HMGCLL1: variants seen among roughly 807,000 people sequenced by gnomAD.
HMGCLL1 encodes the protein 3-hydroxymethyl-3-methylglutaryl-CoA lyase, cytoplasmic.
HMGCLL1 carries 36 observed loss-of-function variants against 39.1 expected under a neutral mutation model. That is an observed-to-expected ratio of 0.92 (90% CI 0.71 to 1.22). The LOEUF is 1.22. Ranked by LOEUF, HMGCLL1 falls within the 50% of genes most tolerant of loss-of-function variation. The pLI is 0.00. For synonymous variants in HMGCLL1, 149 were observed against 144.0 expected (o/e 1.03, Z -0.25); for missense variants, 451 against 416.5 (o/e 1.08, Z -0.72).
intron 1 of HMGCLL1, among the ~76,000 whole-genome samples, chr6:55,553,387 G>T (rs72986078): frequency 6.6e-6 from 1 of 151,300 alleles, no homozygotes; most frequent in Non-Finnish European, 1.5e-5. Flanking sequence ...GTGGTGAATC[G>T]AAATCAGGCC....
the HMGCLL1 span, among the ~76,000 whole-genome samples, chr6:55,637,146 C>T: frequency 6.6e-6 from 1 of 152,180 alleles, no homozygotes; most frequent in East Asian, 1.9e-4. Context: ...AACTAGCATA[C>T]ATCTGTCAAA....
chr6:55,655,216 G>A, the HMGCLL1 span, among the ~76,000 whole-genome samples: 5 of 151,326 alleles, frequency 3.3e-5, no homozygotes, highest in African/African-American at 1.2e-4. Flanking sequence ...TTTCATTTTA[G>A]TCGATAGACT....
the HMGCLL1 span, among the ~76,000 whole-genome samples, chr6:55,630,177 G>T: frequency 1.3e-5 from 2 of 152,172 alleles, no homozygotes; most frequent in African/African-American, 2.4e-5. Flanking sequence ...GGGTGGAGCT[G>T]CCTAAGGCTG....
the HMGCLL1 span, among the ~76,000 whole-genome samples, chr6:55,641,049 A>G: frequency 6.6e-6 from 1 of 151,824 alleles, no homozygotes; most frequent in Non-Finnish European, 1.5e-5. Context: ...AATTAGAGTA[A>G]TATCACTTTA....
At chr6:55,590,777 T>C in the HMGCLL1 span, among the ~76,000 whole-genome samples, 5 of 151,980 alleles carry the variant, frequency 3.3e-5, no homozygotes, top group African/African-American at 1.2e-4. Context: ...GACACTAATT[T>C]TAAAGTATTT....
chr6:55,470,580 T>G (rs1765002741), intron 7 of HMGCLL1, among the ~76,000 whole-genome samples: 1 of 151,844 alleles, frequency 6.6e-6, no homozygotes. Context: ...AACAATTATA[T>G]TTAAGGTAGA....
intron 8 of HMGCLL1, among the ~76,000 whole-genome samples, 164 bp from the exon 9 acceptor site, chr6:55,435,927 T>A (rs1763352562): frequency 6.6e-6 from 1 of 152,108 alleles, no homozygotes; most frequent in African/African-American, 2.4e-5. Context: ...TTTCCATGAA[T>A]AATGTTGTTA....
At chr6:55,662,557 T>C in the HMGCLL1 span, among the ~76,000 whole-genome samples, 4 of 151,912 alleles carry the variant, frequency 2.6e-5, no homozygotes, top group Non-Finnish European at 5.9e-5. Context: ...GGAGTAGCTT[T>C]TTGACATGCT....
Position 55,473,275 on chromosome 6 carries a change from A to G in HMGCLL1, c.795+22144T>C, listed in dbSNP as rs180975483. 2.0e-5 allele frequency among the ~76,000 whole-genome samples: 3 copies of G among 151,574 alleles called. No homozygotes were observed. In the East Asian group the frequency reaches 5.8e-4, roughly 29 times the overall value. ...TTGGATTATAGGTGGATTAATATCCACCATATTTATAAATGTATTACAGTC... is the reference window on the plus strand; with the variant it reads ...TTGGATTATAGGTGGATTAATATCCGCCATATTTATAAATGTATTACAGTC... On this transcript the variant is annotated intron_variant, in intron 7 of 8. Transcript: ENST00000274901.
chr6:55,541,594 T>C (rs949670619), intron 3 of HMGCLL1, 135 bp downstream of exon 3: 10 of 561,100 alleles, frequency 1.8e-5, no homozygotes, highest in Admixed American at 3.5e-5. Flanking sequence ...TTTAATCATA[T>C]CACAGTCCAC....
intron 3 of HMGCLL1, among the ~76,000 whole-genome samples, chr6:55,530,684 A>G (rs1768611814): frequency 1.3e-5 from 2 of 152,110 alleles, no homozygotes; most frequent in African/African-American, 4.8e-5. Context: ...TGTAAAATCC[A>G]TTGTCTAATG....
chr6:55,609,253 C>T, the HMGCLL1 span, among the ~76,000 whole-genome samples: 1 of 152,150 alleles, frequency 6.6e-6, no homozygotes, highest in African/African-American at 2.4e-5. Context: ...TGGCAGCCAT[C>T]ACTGTGAATG....
At chr6:55,671,572 A>G in the HMGCLL1 span, among the ~76,000 whole-genome samples, 7 of 151,934 alleles carry the variant, frequency 4.6e-5, no homozygotes, top group South Asian at 1.5e-3. Flanking sequence ...CTGGTAGAAA[A>G]CCAGCAAAGA....
upstream of HMGCLL1, among the ~76,000 whole-genome samples, chr6:55,584,057 C>T (rs950426381): frequency 1.4e-4 from 21 of 152,048 alleles, no homozygotes; most frequent in African/African-American, 4.3e-4. Flanking sequence ...TGTACTCTTC[C>T]ATTTGGTGCT....
the HMGCLL1 span, among the ~76,000 whole-genome samples, chr6:55,651,269 C>A: frequency 6.6e-6 from 1 of 152,078 alleles, no homozygotes; most frequent in Non-Finnish European, 1.5e-5. Flanking sequence ...GCCAAAACTA[C>A]ATCAGCTTCA....
chr6:55,674,273 T>A, the HMGCLL1 span, among the ~76,000 whole-genome samples: 1 of 151,922 alleles, frequency 6.6e-6, no homozygotes, highest in South Asian at 2.1e-4. Context: ...CTGGCCTTTA[T>A]TTACAAAAGA....
At chr6:55,590,808 A>G in the HMGCLL1 span, among the ~76,000 whole-genome samples, 1 of 151,986 alleles carries the variant, frequency 6.6e-6, no homozygotes, top group Non-Finnish European at 1.5e-5. Flanking sequence ...TCAGCTTTAG[A>G]TGTCTTAAAG....
At chr6:55,517,071 G>A (rs533963577) in intron 3 of HMGCLL1, among the ~76,000 whole-genome samples, 1 of 152,146 alleles carries the variant, frequency 6.6e-6, no homozygotes, top group South Asian at 2.1e-4. Context: ...AGTTTAACAA[G>A]GCTGAGATCC....
chr6:55,549,380 G>GTGTGTGTA (rs1554158159), intron 1 of HMGCLL1, among the ~76,000 whole-genome samples: 1 of 150,746 alleles, frequency 6.6e-6, no homozygotes, highest in African/African-American at 2.4e-5. Flanking sequence ...AGAAGTGTGT[G>GTGTGTGTA]TGTGTGTGTG....
Sources: allele counts gnomAD v4.1 joint callset (sites outside exome capture counted in the v4.1 genomes callset), GRCh38; gene constraint gnomAD v4.1.1; transcripts MANE v1.5; gene names NCBI Gene and HGNC (gene_info 2026-07-23, HGNC 2026-07-21).